NBAS: variants seen among roughly 807,000 people sequenced by gnomAD.
The protein encoded by NBAS is NBAS subunit of NRZ tethering complex.
A neutral mutation model predicts 302.5 loss-of-function variants in NBAS; 219 were observed. The observed-to-expected ratio is 0.72, with a 90% CI of 0.65 to 0.81. The LOEUF is 0.81. Among genes scored for constraint, NBAS ranks in the 30% least tolerant of loss-of-function variants. The pLI, the probability that NBAS is intolerant of heterozygous loss-of-function variation, is 0.00. For missense variants in NBAS, 2,932 were observed against 2,841.6 expected (o/e 1.03, Z -0.72); for synonymous variants, 1,118 against 1,021.6 (o/e 1.09, Z -1.80).
Position 15,234,726 on chromosome 2 carries a change from G to C in NBAS, c.5965C>G (p.His1989Asp), listed in dbSNP as rs763854167. 6.2e-7 allele frequency: 1 copy of C among 1,614,108 alleles called. No homozygotes were observed. Among genetic ancestry groups the C allele is most frequent in the Admixed American group, 1.7e-5 (1 of 60,032 alleles). The change falls in exon 46 of 52, where the codon CAC becomes GAC. Residue 1989 changes from histidine to aspartate, a missense_variant. Transcript: ENST00000281513. ...SEQETLQKYSHLYDLSRSEKE... is the reference protein window; with the variant it reads ...SEQETLQKYSDLYDLSRSEKE... The stretch of plus-strand genomic sequence containing the variant: ...TCTGATCGGGACAGATCATAGAGGT[G>C]ACTGTATTTTTGCAGTGTTTCCTGT...
At chr2:15,064,281 AAG>A in the NBAS span, among the ~76,000 whole-genome samples, 2 of 90,206 alleles carry the variant, frequency 2.2e-5, no homozygotes, top group Admixed American at 2.8e-4. Flanking sequence ...TAGCTAGACT[AAG>A]AAAAAAAGAG....
chr2:15,268,220 G>A (rs1669161089), intron 44 of NBAS, among the ~76,000 whole-genome samples: 1 of 152,174 alleles, frequency 6.6e-6, no homozygotes, highest in African/African-American at 2.4e-5. Flanking sequence ...GAGAAGGAGT[G>A]GCATCTGATA....
chr2:14,986,262 A>C, the NBAS span, among the ~76,000 whole-genome samples: 1 of 152,158 alleles, frequency 6.6e-6, no homozygotes, highest in Non-Finnish European at 1.5e-5. Context: ...CTAACTAAAA[A>C]GATATGGATT....
chr2:15,208,748 C>T (rs1247818086), intron 48 of NBAS, among the ~76,000 whole-genome samples: 1 of 151,952 alleles, frequency 6.6e-6, no homozygotes, highest in African/African-American at 2.4e-5. Flanking sequence ...TTTCTTGAAA[C>T]AAATGATAAT....
chr2:14,925,013 C>T, the NBAS span, among the ~76,000 whole-genome samples: 3 of 152,168 alleles, frequency 2.0e-5, no homozygotes, highest in South Asian at 2.1e-4. Context: ...AAGACACATA[C>T]GTGACTCAAA....
intron 48 of NBAS, among the ~76,000 whole-genome samples, chr2:15,216,749 C>T (rs1666671173): frequency 6.6e-6 from 1 of 152,174 alleles, no homozygotes; most frequent in Non-Finnish European, 1.5e-5. Flanking sequence ...TTTAACATGT[C>T]AGGTAATATG....
rs761330483 is a variant in NBAS at position 15,467,695 on chromosome 2, G to A, written c.1987C>T (p.Gln663Ter). 34 of 1,612,588 alleles carry A rather than the reference G, an allele frequency of 2.1e-5. No homozygotes were observed. Among genetic ancestry groups the A allele is most frequent in the Admixed American group, 1.8e-4 (11 of 59,892 alleles). The change falls in exon 18 of 52, where the codon CAA becomes TAA. Residue 663 changes from glutamine (Q) to a stop codon, truncating the protein, a stop_gained. Transcript: ENST00000281513. LOFTEE classifies it high-confidence loss of function. ...AAGTTCACTAATTTCAGTAGTTCTT[G>A]TCTCTTCTTGAGCTCCTTTTCCTTT... The part of the protein sequence containing the change: ...NKKEKELKKR[Q>*]ELLKLVNFSK...
intron 6 of NBAS, 44 bp downstream of exon 6, chr2:15,551,449 C>A (rs533404766): frequency 1.1e-5 from 14 of 1,313,490 alleles, no homozygotes; most frequent in Admixed American, 1.8e-5. Context: ...GAAACCATTG[C>A]GCATTTGAAA....
the NBAS span, among the ~76,000 whole-genome samples, chr2:14,963,269 A>AAAAT: frequency 1.3e-5 from 2 of 152,138 alleles, no homozygotes. Flanking sequence ...CTCCATCTCA[A>AAAAT]AAATAAATAA....
At chr2:14,957,391 T>A in the NBAS span, among the ~76,000 whole-genome samples, 3 of 152,238 alleles carry the variant, frequency 2.0e-5, no homozygotes, top group East Asian at 5.8e-4. Context: ...TCAAAAGTTC[T>A]CAGGAAAGAA....
the NBAS span, among the ~76,000 whole-genome samples, chr2:15,034,019 A>G: frequency 2.5e-5 from 1 of 39,750 alleles, no homozygotes; most frequent in South Asian, 7.9e-4. Context: ...GAAGAAGAAG[A>G]AGAAGAAGAG....
At chr2:15,131,949 A>G in the NBAS span, among the ~76,000 whole-genome samples, 2 of 152,204 alleles carry the variant, frequency 1.3e-5, no homozygotes, top group Non-Finnish European at 2.9e-5. Context: ...TCAGGAGGAC[A>G]GCACCAACGA....
rs181978886 is a variant in NBAS, at chr2:15,170,454, C to T, written c.6841-3131G>A. ...ATGCATGCTTCCTTCCCCTTGGCCC[C>T]GGCCCACTCAGAGGTTCCCTAAAGA... On this transcript the variant is annotated intron_variant, in intron 51 of 51. Transcript: ENST00000281513. Among the ~76,000 whole-genome samples, 52 of 152,326 alleles carry T rather than the reference C, an allele frequency of 3.4e-4. 1 individual carries two copies. In the East Asian group the frequency reaches 8.3e-3, roughly 24 times the overall value.
chr2:15,001,715 G>A, the NBAS span, among the ~76,000 whole-genome samples: 4 of 152,026 alleles, frequency 2.6e-5, no homozygotes, highest in Non-Finnish European at 5.9e-5. Context: ...TTAAGGTGGC[G>A]CGTCTGGAGT....
the NBAS span, among the ~76,000 whole-genome samples, chr2:14,829,179 G>A: frequency 9.2e-5 from 14 of 152,172 alleles, no homozygotes; most frequent in South Asian, 2.1e-4. Context: ...GTTAAGGTAC[G>A]TAAGGGCTCA....
At chr2:14,985,432 G>A in the NBAS span, among the ~76,000 whole-genome samples, 2 of 152,206 alleles carry the variant, frequency 1.3e-5, no homozygotes, top group African/African-American at 4.8e-5. Context: ...ATATCCCGCA[G>A]CTGCGAACAG....
the NBAS span, among the ~76,000 whole-genome samples, chr2:14,882,239 A>C: frequency 6.6e-6 from 1 of 152,238 alleles, no homozygotes; most frequent in African/African-American, 2.4e-5. Context: ...ATCTGCTAGA[A>C]GAACTGATCC....
At chr2:14,892,753 T>G in the NBAS span, among the ~76,000 whole-genome samples, 1 of 152,196 alleles carries the variant, frequency 6.6e-6, no homozygotes, top group East Asian at 1.9e-4. Context: ...CAAATCGTCT[T>G]TGTATTTCTG....
chr2:15,258,550 G>A (rs1188484104), intron 44 of NBAS, among the ~76,000 whole-genome samples: 3 of 152,062 alleles, frequency 2.0e-5, no homozygotes, highest in Non-Finnish European at 4.4e-5. Flanking sequence ...CGGCCACTCT[G>A]GGAGTGTCTG....
Sources: gnomAD v4.1 joint callset for allele counts (sites outside exome capture counted in the v4.1 genomes callset) on GRCh38, gnomAD v4.1.1 for gene constraint, MANE v1.5 for transcripts, NCBI Gene and HGNC (gene_info 2026-07-23, HGNC 2026-07-21) for gene names.